Variants in ROBO2 observed in about 807,000 individuals in gnomAD.
ROBO2 encodes the protein roundabout homolog 2.
Under a neutral mutation model 160.8 loss-of-function variants are expected in ROBO2, and 53 were observed. That is an observed-to-expected ratio of 0.33 (90% CI 0.26 to 0.41). ROBO2 has a LOEUF of 0.41. ROBO2 is among the 10% of genes least tolerant of loss of function. ROBO2 has a pLI of 1.00. For synonymous variants in ROBO2, 664 were observed against 611.7 expected, an observed-to-expected ratio of 1.09 and a Z score of -1.26; for missense variants, 1,577 against 1,722.4, an observed-to-expected ratio of 0.92 and a Z score of 1.49.
chr3:76,530,686 T>G (rs1455269808), intron 2 of ROBO2, among the ~76,000 whole-genome samples: 1 of 152,200 alleles, frequency 6.6e-6, no homozygotes, highest in Non-Finnish European at 1.5e-5. Context: ...TTTTCTTCTA[T>G]GCTCCTTCAA....
intron 2 of ROBO2, among the ~76,000 whole-genome samples, chr3:75,987,245 C>G (rs1445148141): frequency 6.6e-6 from 1 of 151,870 alleles, no homozygotes; most frequent in Non-Finnish European, 1.5e-5. Flanking sequence ...TTTCATTTTA[C>G]AAGTCTTTCA....
At chr3:76,917,082 C>T (rs1227029981) in intron 2 of ROBO2, among the ~76,000 whole-genome samples, 2 of 152,056 alleles carry the variant, frequency 1.3e-5, no homozygotes, top group South Asian at 2.1e-4. Context: ...TAATGATAAC[C>T]GACAAACCAA....
At chr3:76,954,517 C>T (rs2079133941) in intron 2 of ROBO2, among the ~76,000 whole-genome samples, 1 of 152,162 alleles carries the variant, frequency 6.6e-6, no homozygotes, top group Non-Finnish European at 1.5e-5. Flanking sequence ...TGTTTGCACA[C>T]TTGGGAACAG....
At chr3:77,327,719 A>G (rs1396935658) in intron 2 of ROBO2, among the ~76,000 whole-genome samples, 1 of 152,066 alleles carries the variant, frequency 6.6e-6, no homozygotes, top group Non-Finnish European at 1.5e-5. Flanking sequence ...AATTTCAAAA[A>G]CTATGTTGAC....
In ROBO2 at chr3:77,479,035, T is replaced by G. The variant is rs1233026081; in HGVS notation, c.546+1464T>G. 2.6e-5 allele frequency among the ~76,000 whole-genome samples: 4 copies of G among 152,188 alleles called. No individual in the cohort carries two copies. The East Asian group carries it at 7.7e-4, about 29-fold the overall frequency. ...CAAAGAAAGGCTAGATGGTTGAAGC[T>G]TAATTACCCTCTTCATAGGATAGAG... is the stretch of plus-strand genomic sequence containing the variant. On this transcript the variant is annotated intron_variant, in intron 3 of 25. Transcript: ENST00000461745.
intron 2 of ROBO2, among the ~76,000 whole-genome samples, chr3:77,428,828 T>C (rs2078484107): frequency 6.6e-6 from 1 of 152,188 alleles, no homozygotes; most frequent in South Asian, 2.1e-4. Flanking sequence ...TTGGATAATG[T>C]ATGTATCCAT....
At chr3:76,273,849 C>T (rs1707758261) in intron 2 of ROBO2, among the ~76,000 whole-genome samples, 1 of 152,202 alleles carries the variant, frequency 6.6e-6, no homozygotes, top group Non-Finnish European at 1.5e-5. Context: ...AACCATATCA[C>T]TGGGTAATTT....
chr3:76,560,803 T>G lies in ROBO2; in HGVS notation c.110-537211T>G, dbSNP rs956133066. ...TTAAAAATCTTTCAAACCATTTTTTTGTCCCATGCACCAAACCAACTGATT... is the reference window on the plus strand; with the variant it reads ...TTAAAAATCTTTCAAACCATTTTTTGGTCCCATGCACCAAACCAACTGATT... On this transcript the variant is annotated intron_variant, in intron 2 of 26. Transcript: ENST00000487694. 6.0e-5 allele frequency among the ~76,000 whole-genome samples: 9 copies of G among 150,514 alleles called. No homozygotes were observed. In the East Asian group the frequency reaches 7.8e-4, roughly 13 times the overall value.
At chr3:77,269,693 A>G (rs758016940) in intron 2 of ROBO2, among the ~76,000 whole-genome samples, 1 of 152,186 alleles carries the variant, frequency 6.6e-6, no homozygotes, top group Admixed American at 6.5e-5. Context: ...CGCATATACC[A>G]TATGCACAAG....
At chr3:76,029,917 TAGAGATCCTTG>T (rs1380055492) in intron 2 of ROBO2, among the ~76,000 whole-genome samples, 1 of 152,182 alleles carries the variant, frequency 6.6e-6, no homozygotes, top group African/African-American at 2.4e-5. Context: ...TATTTCTAGT[TAGAGATCCTTG>T]AGGAATCACC....
intron 2 of ROBO2, among the ~76,000 whole-genome samples, chr3:76,320,647 C>T (rs113079561): frequency 0.022 from 3,347 of 152,278 alleles, 64 homozygotes; most frequent in Non-Finnish European, 0.032. Context: ...CACAGAAGTA[C>T]CTTCTACAAT....
At chr3:76,674,598 T>TCA (rs71104613) in intron 2 of ROBO2, among the ~76,000 whole-genome samples, 5,464 of 148,112 alleles carry the variant, frequency 0.037, 235 homozygotes, top group African/African-American at 0.099. Context: ...ACCTCCTAGT[T>TCA]CACACACACA....
intron 2 of ROBO2, among the ~76,000 whole-genome samples, chr3:77,402,153 A>G (rs1420602118): frequency 6.6e-6 from 1 of 152,158 alleles, no homozygotes; most frequent in Non-Finnish European, 1.5e-5. Flanking sequence ...CCTGGAAACC[A>G]TTATTCTCAG....
At chr3:77,634,607 G>A in intron 23 of ROBO2, 1 of 466,034 alleles carries the variant, frequency 2.1e-6, no homozygotes, top group Admixed American at 3.4e-5. Flanking sequence ...ATTGAGTTGT[G>A]GATTGGTGGA....
intron 2 of ROBO2, among the ~76,000 whole-genome samples, chr3:76,710,258 C>T (rs751254448): frequency 6.6e-6 from 1 of 151,918 alleles, no homozygotes; most frequent in Non-Finnish European, 1.5e-5. Flanking sequence ...GTAGCTGGGA[C>T]TAGAGGTCCG....
chr3:76,189,050 A>T (rs1427998568), intron 2 of ROBO2, among the ~76,000 whole-genome samples: 1 of 152,074 alleles, frequency 6.6e-6, no homozygotes, highest in Admixed American at 6.6e-5. Flanking sequence ...GGTAGAAAAC[A>T]CATCATAGGA....
At chr3:77,540,736 A>G (rs550183458) in intron 6 of ROBO2, among the ~76,000 whole-genome samples, 1 of 152,296 alleles carries the variant, frequency 6.6e-6, no homozygotes, top group South Asian at 2.1e-4. Flanking sequence ...AACTTAATAA[A>G]CCAAAATAAA....
At chr3:76,623,965 A>G (rs1000754931) in intron 2 of ROBO2, among the ~76,000 whole-genome samples, 1 of 152,126 alleles carries the variant, frequency 6.6e-6, no homozygotes, top group Non-Finnish European at 1.5e-5. Context: ...ATATTTTATC[A>G]GTCAACAACT....
chr3:77,414,638 GA>G (rs1194919491), intron 2 of ROBO2, among the ~76,000 whole-genome samples: 1 of 152,180 alleles, frequency 6.6e-6, no homozygotes, highest in Non-Finnish European at 1.5e-5. Context: ...TAGGCACATA[GA>G]CAGATTATCA....
Sources: gnomAD v4.1 joint callset for allele counts (sites outside exome capture counted in the v4.1 genomes callset) on GRCh38, gnomAD v4.1.1 for gene constraint, MANE v1.5 for transcripts, NCBI Gene and HGNC (gene_info 2026-07-23, HGNC 2026-07-21) for gene names.